Variants in S100A10 observed in about 807,000 individuals in gnomAD.
S100A10 encodes the protein protein S100-A10.
In S100A10, 3 loss-of-function variants were observed where a neutral mutation model predicts 7.1. The observed-to-expected ratio is 0.42, with a 90% CI of 0.19 to 1.10. The LOEUF (loss-of-function observed/expected upper bound fraction) is 1.10, where lower values mean the gene tolerates loss of function less well. Ranked by LOEUF, S100A10 falls within the 50% of genes least tolerant of loss-of-function variation. The pLI is 0.29. For missense variants in S100A10, 101 were observed against 118.1 expected, an observed-to-expected ratio of 0.86 and a Z score of 0.67; for synonymous variants, 41 against 39.3, an observed-to-expected ratio of 1.04 and a Z score of -0.16.
At chr1:151,985,081 T>C (rs555109015) in intron 2 of S100A10, 1 of 153,008 alleles carries the variant, frequency 6.5e-6, no homozygotes, top group South Asian at 2.1e-4. Context: ...AAAAGCCTCA[T>C]GTTTATTGAT....
chr1:151,988,173 G>C (rs1283317034), intron 1 of S100A10, among the ~76,000 whole-genome samples: 1 of 152,174 alleles, frequency 6.6e-6, no homozygotes, highest in African/African-American at 2.4e-5. Context: ...CCAGTACGTG[G>C]TACTTAATAG....
rs1310864230 is a variant in S100A10 at position 151,993,145 on chromosome 1, C to G, written c.-22+607G>C. Among the ~76,000 whole-genome samples the G allele has an allele frequency of 6.6e-6, 1 of 152,156 alleles. No individual in the cohort carries two copies. The highest frequency in any genetic ancestry group is 1.5e-5 in the Non-Finnish European group (1 of 68,010). ...CAGCCAAACTGCTGTAGAAAGAAAACAAGTGGACCTCCCTCCCTCAGCAGG... is the reference window on the plus strand; with the variant it reads ...CAGCCAAACTGCTGTAGAAAGAAAAGAAGTGGACCTCCCTCCCTCAGCAGG... On this transcript the variant is annotated intron_variant, in intron 1 of 2. Coordinates refer to ENST00000368811, the MANE Select transcript of S100A10 (RefSeq NM_002966.3). This position sits in a 1 kb window ranked among gnomAD's most constrained non-coding sequence, Gnocchi z 5.1.
At chr1:151,986,466 T>G (rs1298542854) in intron 1 of S100A10, among the ~76,000 whole-genome samples, 1 of 152,238 alleles carries the variant, frequency 6.6e-6, no homozygotes, top group African/African-American at 2.4e-5. Context: ...TGAGAACACT[T>G]AGCCACTCTT....
intron 1 of S100A10, 51 bp from the exon 2 acceptor site, chr1:151,986,302 C>T: frequency 8.0e-7 from 1 of 1,245,658 alleles, no homozygotes; most frequent in Non-Finnish European, 1.1e-6. Flanking sequence ...TTTTGGCAGA[C>T]TTTATGCATG....
chr1:151,991,737 A>G (rs1655908916), intron 1 of S100A10, among the ~76,000 whole-genome samples: 1 of 152,198 alleles, frequency 6.6e-6, no homozygotes, highest in South Asian at 2.1e-4. Flanking sequence ...TACGCTTTAA[A>G]AGACTGGACT....
At chr1:151,984,757 G>T (rs535383349) in intron 2 of S100A10, among the ~76,000 whole-genome samples, 219 of 152,272 alleles carry the variant, frequency 1.4e-3, no homozygotes, top group Non-Finnish European at 1.4e-3. Flanking sequence ...GCATCTTAAT[G>T]CTTGTCTTGA....
chr1:151,982,954 G>T lies in S100A10; in HGVS notation c.*209C>A. ...AGAACTTTATTTATTGAGGGCAAGGGGATGCAAACAATACAAAAATCAAAA... is the reference window on the plus strand; with the variant it reads ...AGAACTTTATTTATTGAGGGCAAGGTGATGCAAACAATACAAAAATCAAAA... On this transcript the variant is annotated 3_prime_UTR_variant, in exon 3 of 3. Coordinates refer to ENST00000368811, the MANE Select transcript of S100A10 (RefSeq NM_002966.3). The T allele has an allele frequency of 2.5e-6, 1 of 398,716 alleles. No individual in the cohort carries two copies. The highest frequency in any genetic ancestry group is 3.7e-5 in the East Asian group (1 of 27,050). 24.7% of individuals were successfully genotyped at this position (398,716 alleles called of 1,614,324 possible).
At chr1:151,988,225 C>T (rs1655837772) in intron 1 of S100A10, among the ~76,000 whole-genome samples, 1 of 152,092 alleles carries the variant, frequency 6.6e-6, no homozygotes, top group Non-Finnish European at 1.5e-5. Flanking sequence ...AATCATTTGG[C>T]GAGAACAGAT....
intron 1 of S100A10, among the ~76,000 whole-genome samples, chr1:151,986,760 A>T (rs890224410): frequency 6.6e-6 from 1 of 152,220 alleles, no homozygotes; most frequent in East Asian, 1.9e-4. Context: ...GATTTACATT[A>T]ACTTTTAAGC....
At position 151,986,157 on chromosome 1, in the gene S100A10, T is replaced by C. The variant is rs1230372693; in HGVS notation, c.74A>G (p.Tyr25Cys). 5.0e-6 allele frequency: 8 copies of C among 1,610,326 alleles called. No homozygotes were observed. The highest frequency in any genetic ancestry group is 2.2e-5 in the East Asian group (1 of 44,488). ...TACTCTCAGGTCCTCCTTTGTTAAG[T>C]AGCCTTTATCCCCAGCGAATTTGTG... ...TFHKFAGDKG[Y>C]LTKEDLRVLM... Residue 25 changes from tyrosine (Y) to cysteine (C), a missense_variant, in exon 2 of 3, where the codon TAC becomes TGC. Coordinates refer to ENST00000368811, the MANE Select transcript of S100A10 (RefSeq NM_002966.3).
At chr1:151,987,621 G>A (rs1480069587) in intron 1 of S100A10, among the ~76,000 whole-genome samples, 1 of 144,626 alleles carries the variant, frequency 6.9e-6, no homozygotes, top group Admixed American at 7.4e-5. Flanking sequence ...CTCGCTGCAA[G>A]CTCCGCTTCC....
chr1:151,988,779 G>T (rs1308243566), intron 1 of S100A10, among the ~76,000 whole-genome samples: 1 of 152,144 alleles, frequency 6.6e-6, no homozygotes, highest in African/African-American at 2.4e-5. Context: ...ATGGCAGTGG[G>T]CTTACAGAGA....
At chr1:151,991,086 T>C (rs1655894913) in intron 1 of S100A10, among the ~76,000 whole-genome samples, 1 of 152,190 alleles carries the variant, frequency 6.6e-6, no homozygotes, top group African/African-American at 2.4e-5. Context: ...GTCCATACCC[T>C]AGTTTTCTTA....
At chr1:151,989,478 C>T (rs1655861136) in intron 1 of S100A10, among the ~76,000 whole-genome samples, 1 of 152,204 alleles carries the variant, frequency 6.6e-6, no homozygotes, top group Admixed American at 6.5e-5. Context: ...AGTGGAGAAG[C>T]CCTTGTCTCC....
chr1:151,984,047 C>T (rs1397276761), intron 2 of S100A10: 2 of 152,202 alleles, frequency 1.3e-5, no homozygotes, highest in African/African-American at 4.8e-5. Flanking sequence ...GATGGGCAGG[C>T]AAGACCCCCT....
chr1:151,990,252 C>T (rs919240206), intron 1 of S100A10, among the ~76,000 whole-genome samples: 5 of 152,314 alleles, frequency 3.3e-5, no homozygotes, highest in South Asian at 2.1e-4. Context: ...ACATTCCATA[C>T]GCAAAAGGAA....
chr1:151,984,672 TAAC>T (rs1655755552), intron 2 of S100A10, among the ~76,000 whole-genome samples: 1 of 152,220 alleles, frequency 6.6e-6, no homozygotes, highest in African/African-American at 2.4e-5. Context: ...ACAACACTCT[TAAC>T]AAGTGTTTAG....
chr1:151,987,590 A>G (rs1572109105), intron 1 of S100A10, among the ~76,000 whole-genome samples: 1 of 129,042 alleles, frequency 7.7e-6, no homozygotes, highest in African/African-American at 3.0e-5. Flanking sequence ...CCCAGGCTGG[A>G]GTGCAGTGGC....
chr1:151,992,853 C>T (rs2101772262), intron 1 of S100A10, among the ~76,000 whole-genome samples: 1 of 143,690 alleles, frequency 7.0e-6, no homozygotes, highest in South Asian at 2.3e-4. Context: ...CCTGGTTTCA[C>T]TTAGGCAGAG....
Sources: allele counts gnomAD v4.1 joint callset (sites outside exome capture counted in the v4.1 genomes callset), GRCh38; gene constraint gnomAD v4.1.1; non-coding constraint Gnocchi (gnomAD v3.1); transcripts MANE v1.5; gene names NCBI Gene and HGNC (gene_info 2026-07-23, HGNC 2026-07-21).